The following DNAJC16 variants were observed in gnomAD, a reference collection of about 807,000 sequenced individuals.
The protein encoded by DNAJC16 is DnaJ heat shock protein family (Hsp40) member C16, also known as dnaJ homolog subfamily C member 16.
Under a neutral mutation model 92.7 loss-of-function variants are expected in DNAJC16, and 76 were observed. That is an observed-to-expected ratio of 0.82 (90% CI 0.68 to 0.99). The LOEUF (loss-of-function observed/expected upper bound fraction) is 0.99, where lower values mean the gene tolerates loss of function less well. DNAJC16 is among the 50% of genes least tolerant of loss of function. DNAJC16 has a pLI of 0.00. For missense variants in DNAJC16, 869 were observed against 942.4 expected, an observed-to-expected ratio of 0.92 and a Z score of 1.02; for synonymous variants, 328 against 358.7, an observed-to-expected ratio of 0.91 and a Z score of 0.97.
intron 6 of DNAJC16, among the ~76,000 whole-genome samples, chr1:15,547,504 G>A (rs1638339379): frequency 6.6e-6 from 1 of 150,592 alleles, no homozygotes; most frequent in African/African-American, 2.4e-5. Context: ...GTGCAGTGGT[G>A]TGATCTAGAC....
At chr1:15,539,034 G>A (rs1041463162) in intron 4 of DNAJC16, among the ~76,000 whole-genome samples, 2 of 152,076 alleles carry the variant, frequency 1.3e-5, no homozygotes, top group South Asian at 2.1e-4. Context: ...TCCCTAAAGG[G>A]TGTGATATGT....
intron 7 of DNAJC16, among the ~76,000 whole-genome samples, chr1:15,551,997 C>G (rs1638454001): frequency 6.6e-6 from 1 of 150,788 alleles, no homozygotes; most frequent in Non-Finnish European, 1.5e-5. Flanking sequence ...TTTCACTGTA[C>G]TCCAGCCTGG....
At chr1:15,544,019 T>C (rs767944620) in intron 4 of DNAJC16, among the ~76,000 whole-genome samples, 1 of 152,138 alleles carries the variant, frequency 6.6e-6, no homozygotes, top group Non-Finnish European at 1.5e-5. Context: ...GCCTTTAATA[T>C]TGAATGTGTC....
At chr1:15,566,289 C>T (rs1638805703) in intron 13 of DNAJC16, 109 bp downstream of exon 13, 2 of 865,722 alleles carry the variant, frequency 2.3e-6, no homozygotes, top group Non-Finnish European at 3.6e-6. Context: ...CTCTCATGCA[C>T]CTCCTCCCAT....
chr1:15,529,033 G>C, intron 1 of DNAJC16, 55 bp from the exon 2 acceptor site: 1 of 1,522,260 alleles, frequency 6.6e-7, no homozygotes, highest in Admixed American at 1.8e-5. Flanking sequence ...TACCTAAAAA[G>C]CAAGACTGTC....
In DNAJC16 at chr1:15,529,381, A is replaced by T. The variant is rs911308446; in HGVS notation, c.167+109A>T. On this transcript the variant is annotated intron_variant, in intron 2 of 14. Transcript: ENST00000375847. ...TTGTCTCTGTTTCTATGTTCAATAT[A>T]TATATCTGTCTAAAATATTTTACGC... 7.1e-5 allele frequency: 79 copies of T among 1,106,194 alleles called. 1 individual carries two copies. Among genetic ancestry groups the T allele is most frequent in the Middle Eastern group, 2.2e-4 (1 of 4,470 alleles). The allele number at this position is 1,106,194 out of a possible 1,614,324, so 68.5% of individuals were successfully genotyped here. A position where few individuals can be genotyped will look rare whatever the true frequency, so the allele number is the denominator to read the frequency against.
At position 15,571,480 on chromosome 1, in the gene DNAJC16, C is replaced by T. The variant is rs535598602; in HGVS notation, c.*3303C>T. On this transcript the variant is annotated 3_prime_UTR_variant, in exon 15 of 15. Transcript: ENST00000375847. The stretch of plus-strand genomic sequence containing the variant: ...TCCCCTAAAAACAAGTGCAGTGTGG[C>T]AGCTGCTGAATCTGTCTGTTCAGTT... 1 of 152,732 alleles carries T rather than the reference C, an allele frequency of 6.5e-6. No homozygotes were observed. The highest frequency in any genetic ancestry group is 1.5e-5 in the Non-Finnish European group (1 of 68,020). 9.5% of individuals were successfully genotyped at this position (152,732 alleles called of 1,614,324 possible).
chr1:15,565,334 C>A, intron 11 of DNAJC16: 1 of 156,078 alleles, frequency 6.4e-6, no homozygotes, highest in Non-Finnish European at 1.4e-5. Context: ...AGAGGGATAC[C>A]CACTCCCACC....
chr1:15,542,924 C>T (rs561427002), intron 4 of DNAJC16, among the ~76,000 whole-genome samples: 1 of 152,184 alleles, frequency 6.6e-6, no homozygotes, highest in Non-Finnish European at 1.5e-5. Context: ...AGTGAGACCC[C>T]ATCTCTTACA....
At position 15,529,083 on chromosome 1, in the gene DNAJC16, T is replaced by C; in HGVS notation, c.-18-5T>C. Reference sequence around the variant, plus strand: ...TGAAACTCATTGCCTCTTCAATCATTTCAGCTCTGGAAAGGAAGAGAAATG... The same window carrying C: ...TGAAACTCATTGCCTCTTCAATCATCTCAGCTCTGGAAAGGAAGAGAAATG... On this transcript the variant is annotated splice_polypyrimidine_tract_variant and splice_region_variant and intron_variant, in intron 1 of 14. Coordinates refer to ENST00000375847, the MANE Select transcript of DNAJC16 (RefSeq NM_015291.4). 1 of 1,611,548 alleles carries C rather than the reference T, an allele frequency of 6.2e-7. No individual in the cohort carries two copies. Among genetic ancestry groups the C allele is most frequent in the Non-Finnish European group, 8.5e-7 (1 of 1,178,992 alleles).
rs1415502012 is a variant in DNAJC16 at position 15,570,649 on chromosome 1, G to T, written c.*2472G>T. 1.3e-5 allele frequency: 2 copies of T among 152,208 alleles called. No individual in the cohort carries two copies. Among genetic ancestry groups the T allele is most frequent in the Non-Finnish European group, 2.9e-5 (2 of 68,038 alleles). 9.4% of individuals were successfully genotyped at this position (152,208 alleles called of 1,614,324 possible). A position where few individuals can be genotyped will look rare whatever the true frequency, so the allele number is the denominator to read the frequency against. On this transcript the variant is annotated 3_prime_UTR_variant, in exon 15 of 15. Transcript: ENST00000375847. ...GGCAATGTTCCTGGCAGATGTTTCA[G>T]CCCAAAAGCTCTTCTACAGACCGGT... is the stretch of plus-strand genomic sequence containing the variant.
chr1:15,564,401 A>T, intron 11 of DNAJC16, 42 bp downstream of exon 11: 1 of 1,184,554 alleles, frequency 8.4e-7, no homozygotes, highest in South Asian at 1.2e-5. Context: ...CTCTGTTAAT[A>T]CTGATATCAC....
At chr1:15,549,381 G>A in intron 7 of DNAJC16, among the ~76,000 whole-genome samples, 1 of 152,310 alleles carries the variant, frequency 6.6e-6, no homozygotes, top group South Asian at 2.1e-4. Context: ...GTTAGTGGTT[G>A]AAGTCCTGAG....
chr1:15,568,220 A>G lies in DNAJC16; in HGVS notation c.*43A>G. 2.0e-6 allele frequency: 3 copies of G among 1,526,040 alleles called. No individual in the cohort carries two copies. Among genetic ancestry groups the G allele is most frequent in the Non-Finnish European group, 2.7e-6 (3 of 1,125,538 alleles). The allele number at this position is 1,526,040 out of a possible 1,614,324, so 94.5% of individuals were successfully genotyped here. On this transcript the variant is annotated 3_prime_UTR_variant, in exon 15 of 15. Coordinates refer to ENST00000375847, the MANE Select transcript of DNAJC16 (RefSeq NM_015291.4). ...ATTTGAACTCTTCAGACTTTTTAACATGCCCCTGTGAACAGGTATTTTCAG... is the reference window on the plus strand; with the variant it reads ...ATTTGAACTCTTCAGACTTTTTAACGTGCCCCTGTGAACAGGTATTTTCAG...
intron 8 of DNAJC16, among the ~76,000 whole-genome samples, chr1:15,561,108 CTTT>C (rs1009666149): frequency 1.4e-5 from 2 of 141,532 alleles, no homozygotes. Context: ...CCCTTTTCAT[CTTT>C]TTTTTTTTTT....
chr1:15,533,314 A>G (rs1195621023), intron 2 of DNAJC16, among the ~76,000 whole-genome samples: 9 of 152,288 alleles, frequency 5.9e-5, no homozygotes, highest in Admixed American at 4.6e-4. Flanking sequence ...CCTGGACAAC[A>G]TGGCAAAAAA....
At chr1:15,566,207 C>T (rs1329892365) in intron 13 of DNAJC16, 27 bp downstream of exon 13, 5 of 1,582,166 alleles carry the variant, frequency 3.2e-6, no homozygotes, top group Admixed American at 1.7e-5. Context: ...ACCAGACTCA[C>T]CTCCCCGGCA....
At chr1:15,546,454 G>A (rs1485597826) in intron 5 of DNAJC16, among the ~76,000 whole-genome samples, 1 of 152,140 alleles carries the variant, frequency 6.6e-6, no homozygotes, top group African/African-American at 2.4e-5. Context: ...ATTTTCTGCT[G>A]GCTAGTATAT....
chr1:15,568,281 TAG>T lies in DNAJC16; in HGVS notation c.*106_*107del, dbSNP rs1221844507. On this transcript the variant is annotated 3_prime_UTR_variant, in exon 15 of 15. Coordinates refer to ENST00000375847, the MANE Select transcript of DNAJC16 (RefSeq NM_015291.4). ...ACCACAATGAACAGAGTATAGATTT[TAG>T]ATTGCTCTTCTAGAACCATGGCTAG... 1.0e-6 allele frequency: 1 copy of T among 993,712 alleles called. No homozygotes were observed. The highest frequency in any genetic ancestry group is 1.5e-6 in the Non-Finnish European group (1 of 669,174). 61.6% of individuals were successfully genotyped at this position (993,712 alleles called of 1,614,324 possible). A position where few individuals can be genotyped will look rare whatever the true frequency, so the allele number is the denominator to read the frequency against.
Sources: gnomAD v4.1 joint callset for allele counts (sites outside exome capture counted in the v4.1 genomes callset) on GRCh38, gnomAD v4.1.1 for gene constraint, MANE v1.5 for transcripts, NCBI Gene and HGNC (gene_info 2026-07-23, HGNC 2026-07-21) for gene names.